FAM53B: variants seen among roughly 807,000 people sequenced by gnomAD.
FAM53B encodes the protein family with sequence similarity 53 member B, also known as protein FAM53B.
Under a neutral mutation model 32.7 loss-of-function variants are expected in FAM53B, and 12 were observed. The ratio of observed to expected loss-of-function variants is 0.37; its 90% CI spans 0.24 to 0.59. FAM53B has a LOEUF of 0.59. FAM53B is among the 20% of genes least tolerant of loss of function. The probability of loss-of-function intolerance (pLI) is 0.72; values close to 1 mark genes in which losing one functional copy is unlikely to be tolerated. For synonymous variants in FAM53B, 234 were observed against 228.7 expected, an observed-to-expected ratio of 1.02 and a Z score of -0.21; for missense variants, 477 against 577.7, an observed-to-expected ratio of 0.83 and a Z score of 1.79.
chr10:124,713,337 AGGC>A (rs1950017859), intron 1 of FAM53B: 1 of 152,246 alleles, frequency 6.6e-6, no homozygotes, highest in African/African-American at 2.4e-5. Flanking sequence ...CTTCCTCCCC[AGGC>A]CACTCTGTCT....
In FAM53B at chr10:124,681,690, C is replaced by T. The variant is rs199729223; in HGVS notation, c.823G>A (p.Asp275Asn). ...RSRSQPCVLN[D>N]KKVGVKRRRP... ...CGCCTTTTAACACCGACCTTCTTGT[C>T]GTTAAGGACACACGGCTGGGAGCGG... Residue 275 changes from aspartate to asparagine, a missense_variant, in exon 4 of 5, where the codon GAC becomes AAC. Around this residue, in one of 2 missense-constraint regions of FAM53B, gnomAD observed 312 missense variants for 420.2 expected, o/e 0.74. Coordinates refer to ENST00000337318, the MANE Select transcript of FAM53B (RefSeq NM_014661.4). 5 of 1,612,372 alleles carry T rather than the reference C, an allele frequency of 3.1e-6. No individual in the cohort carries two copies. Among genetic ancestry groups the T allele is most frequent in the South Asian group, 1.1e-5 (1 of 90,592 alleles).
At chr10:124,698,868 C>T (rs1348221773) in intron 2 of FAM53B, among the ~76,000 whole-genome samples, 8 of 152,186 alleles carry the variant, frequency 5.3e-5, no homozygotes, top group South Asian at 2.1e-4. Flanking sequence ...AATCAAATCC[C>T]GGCCACTACC....
intron 1 of FAM53B, among the ~76,000 whole-genome samples, chr10:124,737,262 C>T (rs953007389): frequency 3.3e-5 from 5 of 152,178 alleles, no homozygotes; most frequent in African/African-American, 1.2e-4. Flanking sequence ...GGGGAAGAGC[C>T]CTTATTCACT....
chr10:124,711,356 A>G (rs1203349809), intron 1 of FAM53B, among the ~76,000 whole-genome samples: 1 of 152,088 alleles, frequency 6.6e-6, no homozygotes, highest in Admixed American at 6.5e-5. Flanking sequence ...CTATGAAAAG[A>G]CAGCGGGAGG....
intron 4 of FAM53B, among the ~76,000 whole-genome samples, chr10:124,629,464 A>C (rs1949377176): frequency 6.6e-6 from 1 of 152,182 alleles, no homozygotes; most frequent in Non-Finnish European, 1.5e-5. Context: ...AGCTACCTCG[A>C]GTCCCTCTGA....
chr10:124,632,758 C>T (rs1171382540), intron 4 of FAM53B, among the ~76,000 whole-genome samples: 2 of 152,182 alleles, frequency 1.3e-5, no homozygotes, highest in African/African-American at 2.4e-5. Flanking sequence ...AGACAGAGGC[C>T]GAGTGAGGAG....
At chr10:124,636,143 GA>G (rs1949429884) in intron 4 of FAM53B, among the ~76,000 whole-genome samples, 1 of 152,186 alleles carries the variant, frequency 6.6e-6, no homozygotes, top group African/African-American at 2.4e-5. Context: ...CACTAAGTTA[GA>G]AAAGGCCAAA....
intron 4 of FAM53B, among the ~76,000 whole-genome samples, chr10:124,629,877 C>T (rs1024516578): frequency 1.3e-5 from 2 of 152,254 alleles, no homozygotes; most frequent in African/African-American, 2.4e-5. Context: ...TCACAGGAAG[C>T]TGCTGCCCCT....
At chr10:124,637,527 C>T (rs1001697125) in intron 4 of FAM53B, among the ~76,000 whole-genome samples, 1 of 152,204 alleles carries the variant, frequency 6.6e-6, no homozygotes, top group East Asian at 1.9e-4. Flanking sequence ...ACCCTAATGG[C>T]CACCATAGGC....
chr10:124,635,823 C>T (rs1208926293), intron 4 of FAM53B, among the ~76,000 whole-genome samples: 1 of 151,866 alleles, frequency 6.6e-6, no homozygotes, highest in African/African-American at 2.4e-5. Context: ...AGTGGAACAC[C>T]GTGCAGCCAA....
At chr10:124,650,254 T>C (rs1033434667) in intron 4 of FAM53B, among the ~76,000 whole-genome samples, 1 of 151,952 alleles carries the variant, frequency 6.6e-6, no homozygotes, top group African/African-American at 2.4e-5. Flanking sequence ...TCTCTATCGG[T>C]TGGAGGAGGC....
chr10:124,645,390 G>A (rs374731711), intron 4 of FAM53B, among the ~76,000 whole-genome samples: 7 of 152,362 alleles, frequency 4.6e-5, no homozygotes, highest in South Asian at 4.1e-4. Flanking sequence ...CCTGCTGAGA[G>A]ATGCAAAATC....
intron 4 of FAM53B, among the ~76,000 whole-genome samples, chr10:124,648,489 C>G (rs1157876605): frequency 6.6e-6 from 1 of 152,222 alleles, no homozygotes. Context: ...GAGCCTCCCC[C>G]ATCTGTAAAA....
intron 4 of FAM53B, among the ~76,000 whole-genome samples, chr10:124,659,120 C>T (rs151229589): frequency 6.6e-6 from 1 of 152,360 alleles, no homozygotes; most frequent in Non-Finnish European, 1.5e-5. Flanking sequence ...CTGCCAGCAT[C>T]TTGCACATCA....
chr10:124,686,380 G>A (rs941379912), intron 3 of FAM53B, among the ~76,000 whole-genome samples: 9 of 152,164 alleles, frequency 5.9e-5, no homozygotes, highest in East Asian at 1.9e-4. Flanking sequence ...GGGAAGATTC[G>A]AAGAGTCAGT....
chr10:124,683,502 C>A (rs1949785342), intron 3 of FAM53B, among the ~76,000 whole-genome samples: 1 of 152,190 alleles, frequency 6.6e-6, no homozygotes, highest in Non-Finnish European at 1.5e-5. Flanking sequence ...CACGCCGGGT[C>A]TCTCAGCAAT....
chr10:124,691,746 C>CA (rs1949833649), intron 3 of FAM53B, among the ~76,000 whole-genome samples: 1 of 152,154 alleles, frequency 6.6e-6, no homozygotes, highest in Non-Finnish European at 1.5e-5. Context: ...CCTGTTTCAC[C>CA]AAAAAAGATC....
intron 3 of FAM53B, among the ~76,000 whole-genome samples, chr10:124,687,356 T>C (rs1949808888): frequency 6.6e-6 from 1 of 152,114 alleles, no homozygotes; most frequent in Non-Finnish European, 1.5e-5. Context: ...GTCATGGATG[T>C]AGGAGTCTAC....
At position 124,626,723 on chromosome 10, in the gene FAM53B, G is replaced by A. The variant is rs142116501; in HGVS notation, c.907-3119C>T. 9.8e-5 allele frequency among the ~76,000 whole-genome samples: 15 copies of A among 152,346 alleles called. No individual in the cohort carries two copies. In the East Asian group the frequency reaches 1.5e-3, roughly 16 times the overall value. On this transcript the variant is annotated intron_variant, in intron 4 of 4. Coordinates refer to ENST00000337318, the MANE Select transcript of FAM53B (RefSeq NM_014661.4). Reference sequence around the variant, plus strand: ...TTATGCATTAGCCATAGCCAGGCACGGGCACTGGAGACCCATTAGCTAGAC... The same window carrying A: ...TTATGCATTAGCCATAGCCAGGCACAGGCACTGGAGACCCATTAGCTAGAC...
Sources: gnomAD v4.1 joint callset for allele counts (sites outside exome capture counted in the v4.1 genomes callset) on GRCh38, gnomAD v4.1.1 for gene constraint, gnomAD v4.1.1 regional missense constraint, MANE v1.5 for transcripts, NCBI Gene and HGNC (gene_info 2026-07-23, HGNC 2026-07-21) for gene names.